The following CLCN4 variants were observed in gnomAD, a reference collection of about 807,000 sequenced individuals.
CLCN4 encodes H(+)/Cl(-) exchange transporter 4.
Under a neutral mutation model 41.7 loss-of-function variants are expected in CLCN4, and 1 was observed. That is an observed-to-expected ratio of 0.02 (90% CI 0.01 to 0.11). The LOEUF is 0.11. CLCN4 is among the 10% of genes least tolerant of loss of function. The pLI is 1.00. For synonymous variants in CLCN4, 277 were observed against 285.8 expected (o/e 0.97, Z 0.31); for missense variants, 287 against 661.0 (o/e 0.43, Z 6.20).
chrX:10,198,526 C>G (rs1024234087), intron 6 of CLCN4, among the ~76,000 whole-genome samples: 1 of 112,578 alleles, frequency 8.9e-6, no homozygotes, highest in Non-Finnish European at 1.9e-5. Context: ...ATGATGAAAT[C>G]TCTCTTGCCA....
chrX:10,159,401 A>T (rs1923037337), intron 2 of CLCN4, among the ~76,000 whole-genome samples: 1 of 110,535 alleles, frequency 9.0e-6, no homozygotes, highest in Non-Finnish European at 1.9e-5. Context: ...AGGTGACTTC[A>T]GTTCTAGCAT....
intron 9 of CLCN4, among the ~76,000 whole-genome samples, chrX:10,210,650 CTTTTTTTTTTTT>C (rs34763016): frequency 9.3e-5 from 7 of 75,085 alleles, no homozygotes; most frequent in African/African-American, 3.6e-4. Flanking sequence ...CCTGAATTGT[CTTTTTTTTTTTT>C]TTTTTTTTTT....
chrX:10,179,266 G>C (rs1216923910), intron 2 of CLCN4, among the ~76,000 whole-genome samples: 2 of 111,268 alleles, frequency 1.8e-5, no homozygotes, highest in Non-Finnish European at 3.8e-5. Flanking sequence ...TTCATTCCCT[G>C]TGCCATGTAC....
At chrX:10,191,767 T>C (rs906630126) in intron 4 of CLCN4, among the ~76,000 whole-genome samples, 1 of 90,495 alleles carries the variant, frequency 1.1e-5, no homozygotes, top group Non-Finnish European at 2.1e-5. Context: ...CCTGAACTCC[T>C]GGCCTCAAAC....
At position 10,197,794 on chromosome X, in the gene CLCN4, G is replaced by A. The variant is rs1924134919; in HGVS notation, c.433-145G>A. The A allele has an allele frequency of 8.2e-6, 5 of 609,399 alleles. No homozygotes were observed. In the South Asian group the frequency reaches 1.3e-4, roughly 15 times the overall value. The allele number at this position is 609,399 out of a possible 1,213,427, so 50.2% of individuals were successfully genotyped here. A position where few individuals can be genotyped will look rare whatever the true frequency, so the allele number is the denominator to read the frequency against. ...AGCAACAGCTGATAAACCTACGCTG[G>A]CCTTTTGGTTTATACAGGACTGGGA... On this transcript the variant is annotated intron_variant, in intron 5 of 12. Transcript: ENST00000380833.
At chrX:10,168,533 T>C (rs1242440283) in intron 2 of CLCN4, among the ~76,000 whole-genome samples, 1 of 112,486 alleles carries the variant, frequency 8.9e-6, no homozygotes, top group Non-Finnish European at 1.9e-5. Context: ...AAAGAAGTGT[T>C]GCAAGCATGC....
rs147066832 is a variant in CLCN4 at position 10,225,879 on chromosome X, T to A, written c.2192+5002T>A. Among the ~76,000 whole-genome samples, 119 of 111,945 alleles carry A rather than the reference T, an allele frequency of 1.1e-3. 1 individual carries two copies. The highest frequency in any genetic ancestry group is 3.7e-3 in the African/African-American group (115 of 30,791). ...CTTTCCCCATTGATTGTTAGCTTTGTCAAAGATCAGGTGGTTGTAGATATG... is the reference window on the plus strand; with the variant it reads ...CTTTCCCCATTGATTGTTAGCTTTGACAAAGATCAGGTGGTTGTAGATATG... On this transcript the variant is annotated intron_variant, in intron 12 of 12. Coordinates refer to ENST00000380833, the MANE Select transcript of CLCN4 (RefSeq NM_001830.4).
At chrX:10,216,918 T>TATACACACACACACAC (rs773265490) in intron 11 of CLCN4, among the ~76,000 whole-genome samples, 11 of 38,931 alleles carry the variant, frequency 2.8e-4, no homozygotes, top group Non-Finnish European at 3.8e-4. Flanking sequence ...TATATATATA[T>TATACACACACACACAC]ACACACACAC....
At chrX:10,178,243 A>G (rs1250083864) in intron 2 of CLCN4, among the ~76,000 whole-genome samples, 4 of 111,880 alleles carry the variant, frequency 3.6e-5, no homozygotes, top group Non-Finnish European at 7.5e-5. Context: ...AATTTCCTGT[A>G]AACCACTGAA....
At chrX:10,221,020 G>A in intron 12 of CLCN4, 143 bp downstream of exon 12, 2 of 537,604 alleles carry the variant, frequency 3.7e-6, no homozygotes, top group Non-Finnish European at 6.3e-6. Flanking sequence ...AATGTGTTGA[G>A]GAGGAAATGT....
Position 10,187,565 on chromosome X carries a change from G to A in CLCN4, c.195G>A (p.Leu65=). ...ESIWEFIKSL[L]DAWSGWVVML... is the part of the protein sequence containing the mutation. Reference sequence around the variant, plus strand: ...TATGGGAGTTCATCAAGAGCCTGCTGGATGCCTGGTCGGGATGGGTGGTGA... The same window carrying A: ...TATGGGAGTTCATCAAGAGCCTGCTAGATGCCTGGTCGGGATGGGTGGTGA... Residue 65 remains leucine, a synonymous_variant, in exon 4 of 13, where the codon CTG becomes CTA. Transcript: ENST00000380833. 1.7e-6 allele frequency: 2 copies of A among 1,211,562 alleles called. No homozygotes were observed. Among genetic ancestry groups the A allele is most frequent in the Non-Finnish European group, 2.2e-6 (2 of 895,171 alleles).
chrX:10,199,515 ACAG>A (rs3831660), intron 6 of CLCN4, among the ~76,000 whole-genome samples: 37,244 of 110,441 alleles, frequency 0.34, 5,059 homozygotes, highest in East Asian at 0.67. Flanking sequence ...GGAAGTTGAG[ACAG>A]CAGGCGTAGA....
At chrX:10,159,040 T>G (rs958730732) in intron 2 of CLCN4, among the ~76,000 whole-genome samples, 24 of 112,813 alleles carry the variant, frequency 2.1e-4, no homozygotes, top group African/African-American at 7.4e-4. Context: ...GGAAACTTCT[T>G]GGTTAGCAAT....
At chrX:10,230,964 C>T (rs1925113097) in intron 12 of CLCN4, among the ~76,000 whole-genome samples, 2 of 111,613 alleles carry the variant, frequency 1.8e-5, no homozygotes, top group African/African-American at 6.5e-5. Context: ...AGAGTAGTTT[C>T]ACTGCCCTAA....
intron 12 of CLCN4, among the ~76,000 whole-genome samples, chrX:10,221,806 G>T (rs1924869206): frequency 8.9e-6 from 1 of 112,359 alleles, no homozygotes; most frequent in African/African-American, 3.2e-5. Flanking sequence ...CCGGGAAGGG[G>T]TGGAAGGAGG....
At chrX:10,193,195 GA>G (rs775353081) in intron 4 of CLCN4, among the ~76,000 whole-genome samples, 242 of 112,139 alleles carry the variant, frequency 2.2e-3, no homozygotes, top group Non-Finnish European at 3.3e-3. Context: ...CATGTCAAAA[GA>G]ATTGTGAAGG....
In CLCN4 at chrX:10,158,376, T is replaced by A; in HGVS notation, c.-187T>A. 6.8e-6 allele frequency: 2 copies of A among 295,638 alleles called. No individual in the cohort carries two copies. The highest frequency in any genetic ancestry group is 1.2e-5 in the Non-Finnish European group (2 of 168,847). 24.4% of individuals were successfully genotyped at this position (295,638 alleles called of 1,213,427 possible). On this transcript the variant is annotated 5_prime_UTR_variant, in exon 2 of 13. Coordinates refer to ENST00000380833, the MANE Select transcript of CLCN4 (RefSeq NM_001830.4). ...CCATCGACCCTCACCTCCCGGGACT[T>A]CCAGGGTCTTCCCCCCACCCCGCGC... is the stretch of plus-strand genomic sequence containing the variant.
In CLCN4 at chrX:10,185,003, G is replaced by A. The variant is rs768476178; in HGVS notation, c.-11-19G>A. ...GGCATGTCCTGCTCATGTCTTTAAC[G>A]ACCGGTTTTCTTGCCCAGGTGTAAT... On this transcript the variant is annotated intron_variant, in intron 2 of 12. Transcript: ENST00000380833. 18 of 1,171,408 alleles carry A rather than the reference G, an allele frequency of 1.5e-5. No homozygotes were observed. The highest frequency in any genetic ancestry group is 1.4e-4 in the African/African-American group (8 of 56,308).
chrX:10,206,906 G>GT lies in CLCN4; in HGVS notation c.843+134dup, dbSNP rs1555976201. 1.2e-3 allele frequency: 502 copies of GT among 436,398 alleles called. 1 individual carries two copies. The African/African-American group carries it at 0.012, about 10-fold the overall frequency. The allele number at this position is 436,398 out of a possible 1,213,427, so 36.0% of individuals were successfully genotyped here. On this transcript the variant is annotated intron_variant, in intron 8 of 12. Coordinates refer to ENST00000380833, the MANE Select transcript of CLCN4 (RefSeq NM_001830.4). ...CCACAATTTCCACTGTTTTTTTTTT[G>GT]TTTTGTTTTTGTTTTTGTTTTTGTT...
Sources: gnomAD v4.1 joint callset for allele counts (sites outside exome capture counted in the v4.1 genomes callset) on GRCh38, gnomAD v4.1.1 for gene constraint, MANE v1.5 for transcripts, NCBI Gene and HGNC (gene_info 2026-07-23, HGNC 2026-07-21) for gene names.